The following RAD50 variants were observed in gnomAD, a reference collection of about 807,000 sequenced individuals.
RAD50 encodes DNA repair protein RAD50.
In RAD50, 132 loss-of-function variants were observed where a neutral mutation model predicts 168.8. That is an observed-to-expected ratio of 0.78 (90% CI 0.68 to 0.90). The LOEUF is 0.90. RAD50 is among the 40% of genes least tolerant of loss of function. The pLI, the probability that RAD50 is intolerant of heterozygous loss-of-function variation, is 0.00. For missense variants in RAD50, 1,347 were observed against 1,534.4 expected, an observed-to-expected ratio of 0.88 and a Z score of 2.04; for synonymous variants, 525 against 497.4, an observed-to-expected ratio of 1.06 and a Z score of -0.74.
chr5:132,629,001 TGTAA>T (rs1285660688), intron 21 of RAD50, among the ~76,000 whole-genome samples: 2 of 152,312 alleles, frequency 1.3e-5, no homozygotes, highest in South Asian at 2.1e-4. Flanking sequence ...CAATTTTACT[TGTAA>T]GTATTTTGCT....
Position 132,642,900 on chromosome 5 carries a change from A to G in RAD50, c.*536A>G, listed in dbSNP as rs1462793815. The G allele has an allele frequency of 9.8e-6, 4 of 409,192 alleles. No individual in the cohort carries two copies. The highest frequency in any genetic ancestry group is 6.0e-5 in the African/African-American group (3 of 50,024). 25.3% of individuals were successfully genotyped at this position (409,192 alleles called of 1,614,324 possible). A position where few individuals can be genotyped will look rare whatever the true frequency, so the allele number is the denominator to read the frequency against. On this transcript the variant is annotated 3_prime_UTR_variant, in exon 25 of 25. Transcript: ENST00000378823. ...CTCTCTCTGGGACTTGGTTTCCCCA[A>G]CTAAAATTTGAAGTAGTTGAATGGG...
intron 2 of RAD50, among the ~76,000 whole-genome samples, chr5:132,570,284 A>G (rs1487570569): frequency 1.3e-5 from 2 of 152,204 alleles, no homozygotes; most frequent in African/African-American, 4.8e-5. Flanking sequence ...GGGGAAATGG[A>G]GAAAGAGCAA....
Position 132,588,671 on chromosome 5 carries a change from AT to A in RAD50, c.1052-6del, listed in dbSNP as rs201800554. 6.2e-4 allele frequency: 956 copies of A among 1,541,654 alleles called. No individual in the cohort carries two copies. The highest frequency in any genetic ancestry group is 5.7e-3 in the African/African-American group (414 of 72,410). On this transcript the variant is annotated splice_polypyrimidine_tract_variant and intron_variant, in intron 7 of 24. Transcript: ENST00000378823. The stretch of plus-strand genomic sequence containing the variant: ...CACCAGTTGAAAAAAAAATTATGAG[AT>A]TTTTTTTTTAAAAGGTCGTCTACAG...
At chr5:132,622,916 T>C (rs1471292913) in intron 21 of RAD50, among the ~76,000 whole-genome samples, 2 of 152,230 alleles carry the variant, frequency 1.3e-5, no homozygotes, top group African/African-American at 4.8e-5. Context: ...GTAGGGTTTT[T>C]GTTAATTTCT....
chr5:132,599,031 A>G (rs551974720), intron 13 of RAD50, among the ~76,000 whole-genome samples: 1 of 152,274 alleles, frequency 6.6e-6, no homozygotes, highest in South Asian at 2.1e-4. Context: ...GCAACCACAC[A>G]TTTGTATATT....
At chr5:132,587,862 C>A in intron 6 of RAD50, 62 bp from the exon 7 acceptor site, 1 of 1,570,956 alleles carries the variant, frequency 6.4e-7, no homozygotes, top group Non-Finnish European at 8.7e-7. Flanking sequence ...TATTTGATAC[C>A]TCAAAGTGAT....
chr5:132,638,143 C>A lies in RAD50; in HGVS notation c.3538C>A (p.Arg1180=), dbSNP rs1333645178. 1 of 1,614,036 alleles carries A rather than the reference C, an allele frequency of 6.2e-7. No homozygotes were observed. The highest frequency in any genetic ancestry group is 2.2e-5 in the East Asian group (1 of 44,886). Residue 1180 remains arginine, a synonymous_variant, in exon 23 of 25, where the codon CGG becomes AGG. Transcript: ENST00000378823. ...DENVSASDKR[R]NYNYRVVMLK... ...AAATGTATCAGCTTCTGATAAAAGG[C>A]GGAATTATAACTACCGAGTGGTGAT...
At chr5:132,573,307 G>A (rs1319916530) in intron 2 of RAD50, among the ~76,000 whole-genome samples, 1 of 152,192 alleles carries the variant, frequency 6.6e-6, no homozygotes, top group Non-Finnish European at 1.5e-5. Flanking sequence ...CGTGGCTGGG[G>A]AGGCCTCACA....
chr5:132,608,264 A>AT (rs1269252579), intron 16 of RAD50, among the ~76,000 whole-genome samples: 2 of 152,164 alleles, frequency 1.3e-5, no homozygotes, highest in Non-Finnish European at 2.9e-5. Context: ...CCACACGCTA[A>AT]TATAATTGGG....
In RAD50 at chr5:132,614,519, C is replaced by T. The variant is rs1462263578; in HGVS notation, c.3037-1484C>T. On this transcript the variant is annotated intron_variant, in intron 19 of 24. Transcript: ENST00000378823. ...CAGGATCCCCCGATAAAACAGATAC[C>T]GAAATCTAGGATGCTCAAGTCCCTT... Among the ~76,000 whole-genome samples, 5 of 151,358 alleles carry T rather than the reference C, an allele frequency of 3.3e-5. No individual in the cohort carries two copies. The Admixed American group carries it at 3.3e-4, about 10-fold the overall frequency.
intron 2 of RAD50, among the ~76,000 whole-genome samples, chr5:132,572,492 A>G (rs568502130): frequency 1.3e-5 from 2 of 152,292 alleles, no homozygotes; most frequent in African/African-American, 4.8e-5. Context: ...GGTTTAAAAC[A>G]AAAGGATGGA....
chr5:132,581,363 G>C (rs1423036315), intron 5 of RAD50, among the ~76,000 whole-genome samples: 3 of 152,062 alleles, frequency 2.0e-5, no homozygotes. Context: ...CAAGTGATCT[G>C]CCCGCCTCGG....
chr5:132,620,556 T>A (rs1751268544), intron 21 of RAD50, among the ~76,000 whole-genome samples: 1 of 152,222 alleles, frequency 6.6e-6, no homozygotes, highest in Non-Finnish European at 1.5e-5. Context: ...ATTACTCAAT[T>A]GAGTTGGATT....
At chr5:132,582,493 C>T (rs1307598288) in intron 5 of RAD50, among the ~76,000 whole-genome samples, 1 of 152,120 alleles carries the variant, frequency 6.6e-6, no homozygotes, top group Non-Finnish European at 1.5e-5. Context: ...GAAAAGACTA[C>T]GTCCTTTCAA....
intron 8 of RAD50, among the ~76,000 whole-genome samples, chr5:132,589,294 A>G (rs557705469): frequency 1.1e-4 from 17 of 152,294 alleles, no homozygotes; most frequent in Admixed American, 5.2e-4. Context: ...CTGTGTTTAG[A>G]TATGTTTAGA....
intron 13 of RAD50, among the ~76,000 whole-genome samples, chr5:132,597,289 T>C (rs1344323557): frequency 6.6e-6 from 1 of 152,154 alleles, no homozygotes; most frequent in African/African-American, 2.4e-5. Flanking sequence ...CCTAGTAATC[T>C]CGGCCTCTTG....
At chr5:132,601,308 T>C (rs1580999914) in intron 13 of RAD50, among the ~76,000 whole-genome samples, 3 of 152,220 alleles carry the variant, frequency 2.0e-5, no homozygotes, top group Non-Finnish European at 4.4e-5. Context: ...AGAAAACTTC[T>C]TTTAACATCT....
intron 16 of RAD50, among the ~76,000 whole-genome samples, chr5:132,605,753 A>G (rs907770005): frequency 2.0e-5 from 3 of 152,180 alleles, no homozygotes; most frequent in Admixed American, 1.3e-4. Flanking sequence ...AGCAAATGCA[A>G]AAGAACAGAA....
chr5:132,600,655 G>A (rs1750872255), intron 13 of RAD50, among the ~76,000 whole-genome samples: 1 of 152,074 alleles, frequency 6.6e-6, no homozygotes, highest in Non-Finnish European at 1.5e-5. Context: ...TCATTTAAAT[G>A]CAAACTCAAT....
Sources: allele counts gnomAD v4.1 joint callset (sites outside exome capture counted in the v4.1 genomes callset), GRCh38; gene constraint gnomAD v4.1.1; transcripts MANE v1.5; gene names NCBI Gene and HGNC (gene_info 2026-07-23, HGNC 2026-07-21).